The following SLC35F1 variants were observed in gnomAD, a reference collection of about 807,000 sequenced individuals.
The protein encoded by SLC35F1 is chromosome 6 open reading frame 169.
A neutral mutation model predicts 48.7 loss-of-function variants in SLC35F1; 14 were observed. The ratio of observed to expected loss-of-function variants is 0.29; its 90% CI spans 0.19 to 0.45. The LOEUF (loss-of-function observed/expected upper bound fraction) is 0.45, where lower values mean the gene tolerates loss of function less well. Among genes scored for constraint, SLC35F1 ranks in the 20% least tolerant of loss-of-function variants. The pLI is 1.00. For synonymous variants in SLC35F1, 190 were observed against 202.2 expected (o/e 0.94, Z 0.51); for missense variants, 404 against 500.0 (o/e 0.81, Z 1.83).
At chr6:118,226,007 T>C (rs1170131744) in intron 2 of SLC35F1, among the ~76,000 whole-genome samples, 1 of 152,078 alleles carries the variant, frequency 6.6e-6, no homozygotes, top group African/African-American at 2.4e-5. Context: ...TAAACAGTTA[T>C]ATATAAACAA....
At chr6:118,170,804 G>A (rs576637650) in intron 2 of SLC35F1, among the ~76,000 whole-genome samples, 15 of 151,970 alleles carry the variant, frequency 9.9e-5, no homozygotes, top group Non-Finnish European at 2.1e-4. Context: ...TAAACAGTAA[G>A]TGTTTATGTA....
intron 1 of SLC35F1, among the ~76,000 whole-genome samples, chr6:118,151,542 T>C (rs1240140886): frequency 6.6e-6 from 1 of 152,164 alleles, no homozygotes; most frequent in African/African-American, 2.4e-5. Context: ...AGAGGTGGGG[T>C]CTTGCTCTGT....
At chr6:118,065,306 G>A (rs929572676) in intron 1 of SLC35F1, among the ~76,000 whole-genome samples, 10 of 152,178 alleles carry the variant, frequency 6.6e-5, no homozygotes, top group African/African-American at 2.4e-4. Context: ...GATACTTAAA[G>A]ATAGGGCTGA....
chr6:118,129,989 C>G (rs941593755), intron 1 of SLC35F1, among the ~76,000 whole-genome samples: 2 of 152,170 alleles, frequency 1.3e-5, no homozygotes, highest in African/African-American at 4.8e-5. Context: ...GTCAGTCTCC[C>G]AAACTCTCCA....
chr6:118,206,594 A>G (rs1774937981), intron 2 of SLC35F1, among the ~76,000 whole-genome samples: 2 of 152,230 alleles, frequency 1.3e-5, no homozygotes, highest in Admixed American at 1.3e-4. Flanking sequence ...TTTTTAGGCC[A>G]CGTGGGAGAA....
At chr6:117,999,061 C>G in intron 1 of SLC35F1, 1 of 1,501,826 alleles carries the variant, frequency 6.7e-7, no homozygotes, top group South Asian at 1.1e-5. Context: ...CACAAAGATA[C>G]GAATCTCTTA....
intron 1 of SLC35F1, among the ~76,000 whole-genome samples, chr6:118,022,186 A>G (rs1777403872): frequency 1.3e-5 from 2 of 152,220 alleles, no homozygotes; most frequent in Non-Finnish European, 2.9e-5. Flanking sequence ...GAGTTTTGTT[A>G]CAAAGTCTTT....
chr6:118,126,572 A>G (rs1582680061), intron 1 of SLC35F1, among the ~76,000 whole-genome samples: 3 of 151,662 alleles, frequency 2.0e-5, no homozygotes, highest in African/African-American at 7.3e-5. Context: ...TACCTTGGGC[A>G]ATATGGCCAT....
chr6:117,919,335 C>T (rs1384533846), intron 1 of SLC35F1, among the ~76,000 whole-genome samples: 1 of 152,058 alleles, frequency 6.6e-6, no homozygotes, highest in Non-Finnish European at 1.5e-5. Flanking sequence ...CATTTGTAAA[C>T]TGGTTAAAAT....
intron 3 of SLC35F1, among the ~76,000 whole-genome samples, chr6:118,246,715 A>G (rs1582750400): frequency 6.6e-6 from 1 of 152,340 alleles, no homozygotes; most frequent in East Asian, 1.9e-4. Context: ...CCTATAAGTG[A>G]GAATAAAAAT....
chr6:117,974,640 A>G (rs1776683458), intron 1 of SLC35F1, among the ~76,000 whole-genome samples: 1 of 152,206 alleles, frequency 6.6e-6, no homozygotes, highest in Non-Finnish European at 1.5e-5. Flanking sequence ...TAAAATTATT[A>G]AAGACCCAAA....
intron 1 of SLC35F1, among the ~76,000 whole-genome samples, chr6:117,965,270 C>T (rs1776546283): frequency 6.6e-6 from 1 of 152,172 alleles, no homozygotes; most frequent in South Asian, 2.1e-4. Context: ...GTGGTGCCAG[C>T]AACATGCCAC....
Position 117,963,151 on chromosome 6 carries a change from C to A in SLC35F1, c.173+55252C>A, listed in dbSNP as rs1776519172. ...ACCTAAGGTTGTGGCTTGCAAAACT[C>A]TGGAATATTTAACAGTAGGCTCATT... On this transcript the variant is annotated intron_variant, in intron 1 of 7. Coordinates refer to ENST00000360388, the MANE Select transcript of SLC35F1 (RefSeq NM_001029858.4). 2.0e-5 allele frequency among the ~76,000 whole-genome samples: 3 copies of A among 152,182 alleles called. No homozygotes were observed. In the South Asian group the frequency reaches 6.2e-4, roughly 32 times the overall value.
Position 118,179,239 on chromosome 6 carries a change from A to T in SLC35F1, c.349+24619A>T, listed in dbSNP as rs573414121. ...ATGATTTTGGAAGCTGAGGAGTCGC[A>T]TGATCTGCCATCTGCAAGCTGGAGA... On this transcript the variant is annotated intron_variant, in intron 2 of 7. Transcript: ENST00000360388. Among the ~76,000 whole-genome samples the T allele has an allele frequency of 2.0e-5, 3 of 152,254 alleles. No homozygotes were observed. In the South Asian group the frequency reaches 6.2e-4, roughly 32 times the overall value.
chr6:118,071,719 C>A (rs7774185), intron 1 of SLC35F1, among the ~76,000 whole-genome samples: 44,927 of 152,050 alleles, frequency 0.3, 7,326 homozygotes, highest in East Asian at 0.48. Context: ...TGGTAAGAAT[C>A]ATTGTTCCTA....
intron 1 of SLC35F1, among the ~76,000 whole-genome samples, chr6:118,103,615 G>A (rs907772429): frequency 6.6e-6 from 1 of 152,204 alleles, no homozygotes; most frequent in Admixed American, 6.5e-5. Context: ...ACATGGTGCG[G>A]AATGAATCCA....
chr6:118,308,788 T>C (rs1332095340), intron 7 of SLC35F1, among the ~76,000 whole-genome samples: 11 of 152,230 alleles, frequency 7.2e-5, no homozygotes, highest in Admixed American at 7.2e-4. Context: ...TGTATTCATT[T>C]CTGTGCAGCC....
chr6:118,194,667 C>T (rs1774776734), intron 2 of SLC35F1, among the ~76,000 whole-genome samples: 1 of 152,140 alleles, frequency 6.6e-6, no homozygotes, highest in Admixed American at 6.5e-5. Flanking sequence ...GCCTCAGAAT[C>T]CTTTTTCACA....
At chr6:117,982,568 T>C (rs1299800986) in intron 1 of SLC35F1, among the ~76,000 whole-genome samples, 1 of 152,100 alleles carries the variant, frequency 6.6e-6, no homozygotes, top group Non-Finnish European at 1.5e-5. Flanking sequence ...GGATGATGAG[T>C]TGACATTTAA....
Sources: allele counts gnomAD v4.1 joint callset (sites outside exome capture counted in the v4.1 genomes callset), GRCh38; gene constraint gnomAD v4.1.1; transcripts MANE v1.5; gene names NCBI Gene and HGNC (gene_info 2026-07-23, HGNC 2026-07-21).